The following PANX1 variants were observed in gnomAD, a reference collection of about 807,000 sequenced individuals.
PANX1 encodes the protein pannexin-1.
A neutral mutation model predicts 38.7 loss-of-function variants in PANX1; 30 were observed. The observed-to-expected ratio is 0.78, with a 90% CI of 0.58 to 1.05. The LOEUF (loss-of-function observed/expected upper bound fraction) is 1.05, where lower values mean the gene tolerates loss of function less well. Among genes scored for constraint, PANX1 ranks in the 50% least tolerant of loss-of-function variants. PANX1 has a pLI of 0.00. For missense variants in PANX1, 551 were observed against 517.2 expected, an observed-to-expected ratio of 1.07 and a Z score of -0.63; for synonymous variants, 230 against 212.2, an observed-to-expected ratio of 1.08 and a Z score of -0.73.
At chr11:94,134,179 G>A (rs1465626053) in intron 1 of PANX1, among the ~76,000 whole-genome samples, 1 of 152,230 alleles carries the variant, frequency 6.6e-6, no homozygotes, top group African/African-American at 2.4e-5. Context: ...ATGGTGTACT[G>A]TGGAAGAAGG....
In PANX1 at chr11:94,174,955, A is replaced by T. The variant is rs547235768; in HGVS notation, c.322-3414A>T. Among the ~76,000 whole-genome samples, 21 of 151,856 alleles carry T rather than the reference A, an allele frequency of 1.4e-4. 1 individual carries two copies. The highest frequency in any genetic ancestry group is 5.1e-4 in the African/African-American group (21 of 41,124). On this transcript the variant is annotated intron_variant, in intron 2 of 4. Transcript: ENST00000227638. The stretch of plus-strand genomic sequence containing the variant: ...GATAGACTGAAAATTGTAGTTGGAC[A>T]GCTGCTTGGTCCCACAATGATTTGA...
intron 1 of PANX1, among the ~76,000 whole-genome samples, chr11:94,136,018 T>A (rs576918511): frequency 6.6e-5 from 10 of 152,330 alleles, no homozygotes; most frequent in African/African-American, 2.4e-4. Context: ...ACATTTACTT[T>A]CTTTCAAAAT....
chr11:94,147,304 TA>T (rs561634398), intron 1 of PANX1, among the ~76,000 whole-genome samples: 52 of 152,232 alleles, frequency 3.4e-4, no homozygotes, highest in Non-Finnish European at 6.9e-4. Context: ...TATATATATT[TA>T]AATACATCCA....
At chr11:94,132,685 GTA>G (rs1419736189) in intron 1 of PANX1, among the ~76,000 whole-genome samples, 5 of 152,078 alleles carry the variant, frequency 3.3e-5, no homozygotes, top group South Asian at 2.1e-4. Context: ...TGATAAACTA[GTA>G]TATATAAGAA....
At chr11:94,145,934 G>T (rs145008164) in intron 1 of PANX1, among the ~76,000 whole-genome samples, 4 of 152,306 alleles carry the variant, frequency 2.6e-5, no homozygotes, top group African/African-American at 7.2e-5. Context: ...TTTTATAAAA[G>T]ATTTCTTTTC....
intron 2 of PANX1, among the ~76,000 whole-genome samples, chr11:94,172,018 A>T (rs1482035291): frequency 6.6e-6 from 1 of 151,418 alleles, no homozygotes; most frequent in Non-Finnish European, 1.5e-5. Context: ...GACTGAAAAA[A>T]ACAATAAGAA....
chr11:94,164,093 T>C (rs1222676783), intron 2 of PANX1, among the ~76,000 whole-genome samples: 1 of 151,864 alleles, frequency 6.6e-6, no homozygotes, highest in African/African-American at 2.4e-5. Flanking sequence ...TTTTTGTCTC[T>C]AATTTTATTT....
intron 2 of PANX1, among the ~76,000 whole-genome samples, chr11:94,160,503 C>T (rs1447911206): frequency 6.6e-6 from 1 of 152,090 alleles, no homozygotes; most frequent in Non-Finnish European, 1.5e-5. Flanking sequence ...CTCTTTTGAT[C>T]TTTGTTGGTT....
At chr11:94,162,133 G>A (rs866394054) in intron 2 of PANX1, among the ~76,000 whole-genome samples, 4 of 152,172 alleles carry the variant, frequency 2.6e-5, no homozygotes, top group African/African-American at 7.2e-5. Context: ...GCCCCTACTG[G>A]GGGGTGCCTC....
At chr11:94,177,718 A>T (rs1947251230) in intron 2 of PANX1, among the ~76,000 whole-genome samples, 2 of 151,966 alleles carry the variant, frequency 1.3e-5, no homozygotes, top group South Asian at 4.1e-4. Context: ...TCTCCTCTTG[A>T]TTCCCTTGCC....
At chr11:94,177,600 A>C in intron 2 of PANX1, among the ~76,000 whole-genome samples, 1 of 152,138 alleles carries the variant, frequency 6.6e-6, no homozygotes, top group East Asian at 1.9e-4. Flanking sequence ...TGCTGAGGCT[A>C]AGCCACCTCT....
At chr11:94,159,765 G>A (rs1946999764) in intron 2 of PANX1, among the ~76,000 whole-genome samples, 1 of 151,440 alleles carries the variant, frequency 6.6e-6, no homozygotes, top group Non-Finnish European at 1.5e-5. Flanking sequence ...CTTGCCTTCT[G>A]CTTGCTTTTG....
chr11:94,147,105 AT>A (rs1946836280), intron 1 of PANX1, among the ~76,000 whole-genome samples: 1 of 152,190 alleles, frequency 6.6e-6, no homozygotes, highest in South Asian at 2.1e-4. Context: ...ATCAGATTTC[AT>A]TGTAATAGTC....
intron 4 of PANX1, among the ~76,000 whole-genome samples, 159 bp from the exon 5 acceptor site, chr11:94,180,631 C>G (rs1947295080): frequency 6.6e-6 from 1 of 152,306 alleles, no homozygotes; most frequent in Middle Eastern, 3.4e-3. Context: ...CTGACTTTCT[C>G]TTTCAAAGGG....
chr11:94,170,410 G>A (rs1947151952), intron 2 of PANX1, among the ~76,000 whole-genome samples: 1 of 151,762 alleles, frequency 6.6e-6, no homozygotes, highest in African/African-American at 2.4e-5. Flanking sequence ...TTTTAAGACT[G>A]AATAACATCC....
chr11:94,162,698 C>T (rs565223600), intron 2 of PANX1, among the ~76,000 whole-genome samples: 135 of 152,256 alleles, frequency 8.9e-4, no homozygotes, highest in African/African-American at 3.2e-3. Flanking sequence ...TGCTTCGGCT[C>T]ACGCTGGGTG....
At chr11:94,134,753 C>A (rs1216327165) in intron 1 of PANX1, among the ~76,000 whole-genome samples, 4 of 151,666 alleles carry the variant, frequency 2.6e-5, no homozygotes, top group Non-Finnish European at 5.9e-5. Context: ...AGTGCGGCCA[C>A]AAGGAAAGGT....
At chr11:94,129,950 A>C (rs1448909411) in intron 1 of PANX1, among the ~76,000 whole-genome samples, 1 of 152,184 alleles carries the variant, frequency 6.6e-6, no homozygotes, top group Non-Finnish European at 1.5e-5. Context: ...CTTACATATA[A>C]TTGGTATTTG....
chr11:94,131,690 G>C (rs1180983978), intron 1 of PANX1, among the ~76,000 whole-genome samples: 1 of 152,198 alleles, frequency 6.6e-6, no homozygotes, highest in Non-Finnish European at 1.5e-5. Flanking sequence ...AACAGGACCA[G>C]GGAAGACCTA....
Sources: allele counts gnomAD v4.1 joint callset (sites outside exome capture counted in the v4.1 genomes callset), GRCh38; gene constraint gnomAD v4.1.1; transcripts MANE v1.5; gene names NCBI Gene and HGNC (gene_info 2026-07-23, HGNC 2026-07-21).